The following PLXNA4 variants were observed in gnomAD, a reference collection of about 807,000 sequenced individuals.
PLXNA4 encodes the protein plexin A4, also known as plexin-A4.
In PLXNA4, 44 loss-of-function variants were observed where a neutral mutation model predicts 191.8. The ratio of observed to expected loss-of-function variants is 0.23; its 90% CI spans 0.18 to 0.29. The LOEUF (loss-of-function observed/expected upper bound fraction) is 0.29, where lower values mean the gene tolerates loss of function less well. Among genes scored for constraint, PLXNA4 ranks in the 10% least tolerant of loss-of-function variants. The probability of loss-of-function intolerance (pLI) is 1.00; values close to 1 mark genes in which losing one functional copy is unlikely to be tolerated. For synonymous variants in PLXNA4, 1,082 were observed against 1,009.5 expected (o/e 1.07, Z -1.36); for missense variants, 1,800 against 2,488.8 (o/e 0.72, Z 5.89).
chr7:132,154,041 G>A (rs997310705), intron 25 of PLXNA4, among the ~76,000 whole-genome samples: 12 of 152,106 alleles, frequency 7.9e-5, no homozygotes, highest in Non-Finnish European at 1.5e-5. Flanking sequence ...GTCCACGCAG[G>A]ACCACCTTCA....
At chr7:132,510,611 A>T (rs1798676513) in intron 1 of PLXNA4, among the ~76,000 whole-genome samples, 1 of 152,178 alleles carries the variant, frequency 6.6e-6, no homozygotes, top group African/African-American at 2.4e-5. Context: ...CATGGCATAC[A>T]AGAGAGTGCT....
chr7:132,454,962 C>T (rs1796259510), intron 3 of PLXNA4, among the ~76,000 whole-genome samples: 1 of 152,210 alleles, frequency 6.6e-6, no homozygotes, highest in South Asian at 2.1e-4. Context: ...TCCCACAGCT[C>T]CTTCAGCATC....
intron 4 of PLXNA4, among the ~76,000 whole-genome samples, chr7:132,280,728 AC>A (rs1382939628): frequency 6.6e-6 from 1 of 152,218 alleles, no homozygotes; most frequent in Non-Finnish European, 1.5e-5. Context: ...AGCTGAGTCT[AC>A]ACAACAAACT....
chr7:132,340,788 G>A (rs531610090), intron 3 of PLXNA4, among the ~76,000 whole-genome samples: 1 of 152,266 alleles, frequency 6.6e-6, no homozygotes, highest in Non-Finnish European at 1.5e-5. Flanking sequence ...AGAGATTCTT[G>A]TGCCTCAGTC....
At chr7:132,594,827 G>A (rs1003437627) in intron 2 of PLXNA4, among the ~76,000 whole-genome samples, 5 of 152,162 alleles carry the variant, frequency 3.3e-5, no homozygotes, top group Non-Finnish European at 7.3e-5. Flanking sequence ...CTGGGAGAAG[G>A]TGGCTACTTC....
At chr7:132,587,572 T>A (rs1349442037) in intron 2 of PLXNA4, among the ~76,000 whole-genome samples, 1 of 152,170 alleles carries the variant, frequency 6.6e-6, no homozygotes, top group Non-Finnish European at 1.5e-5. Flanking sequence ...TGCCCTATGG[T>A]GCCATAAGCT....
Position 132,133,169 on chromosome 7 carries a change from G to A in PLXNA4, c.5469C>T (p.Ala1823=). Residue 1823 remains alanine, a synonymous_variant, in exon 31 of 32, where the codon GCC becomes GCT. Transcript: ENST00000321063. ...ATGCGTTCATGTCTTGGTCGCTGAT[G>A]GCTGGCATCTTCCCTATGTCTGAGT... is the stretch of plus-strand genomic sequence containing the variant. ...RYYSDIGKMP[A]ISDQDMNAYL... 7 of 1,614,174 alleles carry A rather than the reference G, an allele frequency of 4.3e-6. No individual in the cohort carries two copies. The highest frequency in any genetic ancestry group is 5.9e-6 in the Non-Finnish European group (7 of 1,180,034).
intron 10 of PLXNA4, among the ~76,000 whole-genome samples, chr7:132,203,972 C>A (rs1562918984): frequency 6.6e-6 from 1 of 152,130 alleles, no homozygotes; most frequent in African/African-American, 2.4e-5. Context: ...AATGAAGGAG[C>A]TACACCCTAG....
chr7:132,466,100 A>G lies in PLXNA4; in HGVS notation c.1371+23192T>C, dbSNP rs555363103. Among the ~76,000 whole-genome samples the G allele has an allele frequency of 2.8e-4, 43 of 152,292 alleles. No homozygotes were observed. The South Asian group carries it at 7.9e-3, about 28-fold the overall frequency. ...CTCCCCTCAGAGACGAAGAAGCTGG[A>G]AGCCATCAGCCAGCTAGGCAGAAAG... On this transcript the variant is annotated intron_variant, in intron 3 of 31. Coordinates refer to ENST00000321063, the MANE Select transcript of PLXNA4 (RefSeq NM_020911.2).
chr7:132,191,025 T>C (rs911452439), intron 14 of PLXNA4, among the ~76,000 whole-genome samples: 1 of 152,128 alleles, frequency 6.6e-6, no homozygotes, highest in Non-Finnish European at 1.5e-5. Flanking sequence ...ATAAGGAGGA[T>C]ATGGCTCGTG....
chr7:132,385,985 A>T (rs1805120486), intron 3 of PLXNA4, among the ~76,000 whole-genome samples: 1 of 152,244 alleles, frequency 6.6e-6, no homozygotes. Context: ...ATGGTTATTC[A>T]ATATCAGCCC....
chr7:132,174,470 G>T (rs561770999), intron 21 of PLXNA4, among the ~76,000 whole-genome samples: 2 of 152,166 alleles, frequency 1.3e-5, no homozygotes, highest in Non-Finnish European at 2.9e-5. Context: ...TGTATTTGCC[G>T]TGTTTCTTGT....
intron 2 of PLXNA4, among the ~76,000 whole-genome samples, chr7:132,497,527 T>C (rs1220933826): frequency 6.6e-6 from 1 of 152,222 alleles, no homozygotes; most frequent in Non-Finnish European, 1.5e-5. Flanking sequence ...AGAAAGCCTA[T>C]TATTCTATAA....
chr7:132,326,833 C>T (rs1472255375), intron 3 of PLXNA4, among the ~76,000 whole-genome samples: 1 of 151,766 alleles, frequency 6.6e-6, no homozygotes, highest in South Asian at 2.1e-4. Flanking sequence ...ATGTCTGTTT[C>T]ACTCCCCACA....
At position 132,198,467 on chromosome 7, in the gene PLXNA4, G is replaced by A; in HGVS notation, c.2738+18C>T. ...TTCCCTCCCCTGTTCCTCCTGTGTT[G>A]CATGCAGCTTCACTTACTGTTCTGC... is the stretch of plus-strand genomic sequence containing the variant. On this transcript the variant is annotated intron_variant, in intron 13 of 31. Coordinates refer to ENST00000321063, the MANE Select transcript of PLXNA4 (RefSeq NM_020911.2). 6.2e-7 allele frequency: 1 copy of A among 1,612,018 alleles called. No individual in the cohort carries two copies. The highest frequency in any genetic ancestry group is 1.7e-5 in the Admixed American group (1 of 59,892).
intron 4 of PLXNA4, among the ~76,000 whole-genome samples, chr7:132,292,241 A>G (rs1438532771): frequency 6.6e-6 from 1 of 152,130 alleles, no homozygotes; most frequent in Non-Finnish European, 1.5e-5. Flanking sequence ...TCTTTCCTGC[A>G]CTCTGTGTCC....
chr7:132,487,859 C>T (rs2117518918), intron 3 of PLXNA4, among the ~76,000 whole-genome samples: 1 of 152,318 alleles, frequency 6.6e-6, no homozygotes, highest in Non-Finnish European at 1.5e-5. Context: ...GAGTCTGAGG[C>T]AGCAAGGAAA....
chr7:132,209,924 T>A (rs1797741807), intron 10 of PLXNA4, among the ~76,000 whole-genome samples: 1 of 152,162 alleles, frequency 6.6e-6, no homozygotes, highest in Non-Finnish European at 1.5e-5. Flanking sequence ...TTGGGGTGCA[T>A]TACACCAAAG....
chr7:132,214,854 G>A (rs1161876155), intron 9 of PLXNA4, among the ~76,000 whole-genome samples: 1 of 152,108 alleles, frequency 6.6e-6, no homozygotes, highest in East Asian at 1.9e-4. Context: ...CCATTGCTTG[G>A]CTTAACCATG....
Sources: gnomAD v4.1 joint callset for allele counts (sites outside exome capture counted in the v4.1 genomes callset) on GRCh38, gnomAD v4.1.1 for gene constraint, MANE v1.5 for transcripts, NCBI Gene and HGNC (gene_info 2026-07-23, HGNC 2026-07-21) for gene names.